The following MYOM2 variants were observed in gnomAD, a reference collection of about 807,000 sequenced individuals.
The protein encoded by MYOM2 is myomesin 2.
Under a neutral mutation model 187.6 loss-of-function variants are expected in MYOM2, and 254 were observed. The observed-to-expected ratio is 1.35, with a 90% CI of 1.22 to 1.50. The LOEUF (loss-of-function observed/expected upper bound fraction) is 1.50. Ranked by LOEUF, MYOM2 falls within the 40% of genes most tolerant of loss-of-function variation. The pLI, the probability that MYOM2 is intolerant of heterozygous loss-of-function variation, is 0.00. For missense variants in MYOM2, 2,796 were observed against 1,924.0 expected (o/e 1.45, Z -8.48); for synonymous variants, 981 against 753.8 (o/e 1.30, Z -4.94).
intron 32 of MYOM2, among the ~76,000 whole-genome samples, chr8:2,140,312 GC>G (rs200385732): frequency 0.095 from 14,427 of 152,042 alleles, 1,064 homozygotes; most frequent in African/African-American, 0.18. Flanking sequence ...CCCCACCGGG[GC>G]GGTCGTGAAC....
At position 2,076,139 on chromosome 8, in the gene MYOM2, A is replaced by G. The variant is rs1351525711; in HGVS notation, c.1121-2A>G. On this transcript the variant is annotated splice_acceptor_variant, in intron 10 of 36. Transcript: ENST00000262113. LOFTEE classifies it high-confidence loss of function. ...GTGTGCCTTTTCTCTCCCTGCCCCA[A>G]GATGCTGACCCGCTGGTCACAGGGG... 5 of 1,611,068 alleles carry G rather than the reference A, an allele frequency of 3.1e-6. No individual in the cohort carries two copies. Among genetic ancestry groups the G allele is most frequent in the Non-Finnish European group, 4.2e-6 (5 of 1,179,240 alleles).
chr8:2,116,917 C>G (rs1429053350), intron 27 of MYOM2, among the ~76,000 whole-genome samples: 1 of 137,720 alleles, frequency 7.3e-6, no homozygotes, highest in African/African-American at 2.8e-5. Flanking sequence ...GCCACTATGC[C>G]CGGTTAATTT....
chr8:2,105,365 C>G (rs146256044), intron 21 of MYOM2, among the ~76,000 whole-genome samples: 4 of 152,318 alleles, frequency 2.6e-5, no homozygotes, highest in Non-Finnish European at 4.4e-5. Flanking sequence ...TGAGATGTGT[C>G]TCGTCCAATT....
chr8:2,137,739 C>G (rs900276107), intron 32 of MYOM2, among the ~76,000 whole-genome samples: 1 of 152,140 alleles, frequency 6.6e-6, no homozygotes, highest in Non-Finnish European at 1.5e-5. Flanking sequence ...TACATTTAGT[C>G]AATAAACGAT....
At chr8:2,123,175 T>C in intron 28 of MYOM2, 77 bp from the exon 29 acceptor site, 1 of 981,084 alleles carries the variant, frequency 1.0e-6, no homozygotes, top group South Asian at 1.7e-5. Flanking sequence ...GCTCTGTGAT[T>C]TAAGATTCTA....
chr8:2,140,246 A>T (rs1313862696), intron 32 of MYOM2, among the ~76,000 whole-genome samples: 1 of 152,230 alleles, frequency 6.6e-6, no homozygotes, highest in South Asian at 2.1e-4. Context: ...TCCCTCATGT[A>T]TTTATGGACC....
chr8:2,128,619 T>G (rs1301927514), intron 31 of MYOM2, among the ~76,000 whole-genome samples: 1 of 152,214 alleles, frequency 6.6e-6, no homozygotes, highest in South Asian at 2.1e-4. Context: ...TTTATTGCAT[T>G]TTCTTATTGC....
chr8:2,048,679 A>T (rs571335178), intron 1 of MYOM2, among the ~76,000 whole-genome samples: 1 of 152,336 alleles, frequency 6.6e-6, no homozygotes, highest in South Asian at 2.1e-4. Flanking sequence ...GGTCTACCAG[A>T]CATCAAAACC....
Position 2,078,846 on chromosome 8 carries a change from G to A in MYOM2, c.1375G>A (p.Ala459Thr), listed in dbSNP as rs773602249. 6 of 1,614,136 alleles carry A rather than the reference G, an allele frequency of 3.7e-6. No individual in the cohort carries two copies. Among genetic ancestry groups the A allele is most frequent in the Non-Finnish European group, 5.1e-6 (6 of 1,179,992 alleles). ...AAGGTCTTACATATTCCGAGTGAGG[G>A]CAGTGAACAGTGCGGGCATCAGCCG... ...EGRSYIFRVR[A>T]VNSAGISRPS... The change falls in exon 12 of 37, where the codon GCA becomes ACA. Residue 459 changes from alanine (A) to threonine (T), a missense_variant. Coordinates refer to ENST00000262113, the MANE Select transcript of MYOM2 (RefSeq NM_003970.4).
intron 31 of MYOM2, among the ~76,000 whole-genome samples, chr8:2,128,456 A>G (rs927244945): frequency 5.9e-5 from 9 of 152,250 alleles, no homozygotes; most frequent in African/African-American, 2.2e-4. Context: ...CCAAGGCTGA[A>G]TATCTGATAA....
In MYOM2 at chr8:2,092,440, G is replaced by A; in HGVS notation, c.1923G>A (p.Leu641=). The change falls in exon 16 of 37, where the codon CTG becomes CTA. Residue 641 remains leucine (L), a synonymous_variant. Coordinates refer to ENST00000262113, the MANE Select transcript of MYOM2 (RefSeq NM_003970.4). The part of the protein sequence containing the change: ...QWDRPKHEED[L]LGYYVDCCVA... ...ACCGACCTAAGCATGAGGAGGACCT[G>A]CTGGGCTACTACGTGGACTGCTGTG... 1 of 1,614,184 alleles carries A rather than the reference G, an allele frequency of 6.2e-7. No homozygotes were observed. Among genetic ancestry groups the A allele is most frequent in the Non-Finnish European group, 8.5e-7 (1 of 1,180,032 alleles).
At chr8:2,081,673 C>T (rs1819633692) in intron 13 of MYOM2, 1 of 154,882 alleles carries the variant, frequency 6.5e-6, no homozygotes, top group African/African-American at 2.4e-5. Flanking sequence ...TGGAATGAAC[C>T]TTCCCCAGGG....
chr8:2,134,844 A>G (rs73657744), intron 32 of MYOM2, among the ~76,000 whole-genome samples: 19,747 of 151,802 alleles, frequency 0.13, 2,164 homozygotes, highest in African/African-American at 0.28. Context: ...AACTCATCTC[A>G]TATCTTCTGC....
At chr8:2,128,559 C>G (rs1276518276) in intron 31 of MYOM2, among the ~76,000 whole-genome samples, 1 of 152,232 alleles carries the variant, frequency 6.6e-6, no homozygotes, top group African/African-American at 2.4e-5. Flanking sequence ...TCATCTACCT[C>G]AAGCGAATTA....
chr8:2,117,277 T>G (rs535141722), intron 27 of MYOM2, among the ~76,000 whole-genome samples: 38 of 152,352 alleles, frequency 2.5e-4, no homozygotes, highest in African/African-American at 9.1e-4. Flanking sequence ...ACACATACTT[T>G]CCAAATCTGC....
At chr8:2,047,826 A>G (rs1006140876) in intron 1 of MYOM2, among the ~76,000 whole-genome samples, 1 of 152,196 alleles carries the variant, frequency 6.6e-6, no homozygotes, top group Non-Finnish European at 1.5e-5. Context: ...AGCACTACAA[A>G]GTGTAGCCCC....
At chr8:2,062,982 C>T (rs1279472823) in intron 6 of MYOM2, among the ~76,000 whole-genome samples, 3 of 152,196 alleles carry the variant, frequency 2.0e-5, no homozygotes, top group South Asian at 2.1e-4. Flanking sequence ...GAATCCGCCC[C>T]GGAATACCAC....
At chr8:2,047,386 G>A (rs566194028) in intron 1 of MYOM2, among the ~76,000 whole-genome samples, 78 of 152,290 alleles carry the variant, frequency 5.1e-4, no homozygotes, top group African/African-American at 1.9e-3. Context: ...CAGGGTGGGT[G>A]AGGCTGGACG....
chr8:2,074,207 C>T (rs1460445101), intron 10 of MYOM2, among the ~76,000 whole-genome samples: 1 of 152,084 alleles, frequency 6.6e-6, no homozygotes, highest in East Asian at 1.9e-4. Flanking sequence ...ATGTATGTGC[C>T]TATACTTACA....
Sources: allele counts gnomAD v4.1 joint callset (sites outside exome capture counted in the v4.1 genomes callset), GRCh38; gene constraint gnomAD v4.1.1; transcripts MANE v1.5; gene names NCBI Gene and HGNC (gene_info 2026-07-23, HGNC 2026-07-21).